Variants in DCC observed in about 807,000 individuals in gnomAD.
DCC encodes netrin receptor DCC.
Under a neutral mutation model 172.5 loss-of-function variants are expected in DCC, and 58 were observed. The observed-to-expected ratio is 0.34, with a 90% CI of 0.27 to 0.42. DCC has a LOEUF of 0.42. DCC is among the 10% of genes least tolerant of loss of function. DCC has a pLI of 1.00. For missense variants in DCC, 1,740 were observed against 1,791.0 expected (o/e 0.97, Z 0.51); for synonymous variants, 709 against 644.5 (o/e 1.10, Z -1.52).
chr18:52,610,487 G>A (rs1467033346), intron 1 of DCC, among the ~76,000 whole-genome samples: 1 of 148,754 alleles, frequency 6.7e-6, no homozygotes, highest in Non-Finnish European at 1.5e-5. Context: ...GGTGTATACT[G>A]GGTAAGACTG....
rs367566115 is a variant in DCC at position 53,100,105 on chromosome 18, C to G, written c.1261+33939C>G. ...GGGATTATAGGCAGGCACCACCACGCCTGGTTAATTTTTGTATTATTAGTA... is the reference window on the plus strand; with the variant it reads ...GGGATTATAGGCAGGCACCACCACGGCTGGTTAATTTTTGTATTATTAGTA... On this transcript the variant is annotated intron_variant, in intron 7 of 28. Coordinates refer to ENST00000442544, the MANE Select transcript of DCC (RefSeq NM_005215.4). Among the ~76,000 whole-genome samples, 41 of 151,876 alleles carry G rather than the reference C, an allele frequency of 2.7e-4. 1 individual carries two copies. The South Asian group carries it at 8.3e-3, about 31-fold the overall frequency.
At chr18:53,421,464 G>C (rs1910641322) in intron 21 of DCC, among the ~76,000 whole-genome samples, 1 of 152,188 alleles carries the variant, frequency 6.6e-6, no homozygotes, top group South Asian at 2.1e-4. Flanking sequence ...ACTAGACCTA[G>C]AGAAGAGGCC....
rs1241363759 is a variant in DCC at position 52,340,760 on chromosome 18, C to T, written c.-28C>T. On this transcript the variant is annotated 5_prime_UTR_variant, in exon 1 of 29. Transcript: ENST00000442544. ...TGTGAGTGCTGCCGCTGCCCGCGAC[C>T]CCTGGCCCCGAAGGTGTTGGCTGAA... 1.3e-6 allele frequency: 2 copies of T among 1,583,796 alleles called. No homozygotes were observed. The highest frequency in any genetic ancestry group is 1.3e-5 in the African/African-American group (1 of 74,406).
intron 12 of DCC, among the ~76,000 whole-genome samples, chr18:53,277,318 A>G (rs186799773): frequency 6.6e-6 from 1 of 152,104 alleles, no homozygotes; most frequent in African/African-American, 2.4e-5. Flanking sequence ...AAAAATACAA[A>G]AATTAGTCAG....
intron 3 of DCC, among the ~76,000 whole-genome samples, chr18:52,908,430 A>G (rs1482097162): frequency 6.6e-6 from 1 of 152,210 alleles, no homozygotes; most frequent in Non-Finnish European, 1.5e-5. Flanking sequence ...ACAAAGTTTT[A>G]AATATTTATA....
At chr18:52,766,949 T>C (rs1275526778) in intron 2 of DCC, among the ~76,000 whole-genome samples, 2 of 151,652 alleles carry the variant, frequency 1.3e-5, no homozygotes, top group Non-Finnish European at 2.9e-5. Flanking sequence ...AAAATCAGGG[T>C]AGTATTAAAG....
intron 2 of DCC, among the ~76,000 whole-genome samples, chr18:52,897,142 G>A (rs566493439): frequency 5.9e-5 from 9 of 152,310 alleles, no homozygotes; most frequent in South Asian, 2.1e-4. Context: ...CCAAATGGCC[G>A]TCTGTTTCTG....
intron 8 of DCC, among the ~76,000 whole-genome samples, chr18:53,160,936 C>T (rs879772359): frequency 6.6e-5 from 10 of 152,292 alleles, no homozygotes; most frequent in Non-Finnish European, 1.2e-4. Flanking sequence ...GAAACTTTCA[C>T]TTGTGCACAA....
intron 7 of DCC, among the ~76,000 whole-genome samples, chr18:53,128,866 CACACATAT>C (rs1157302123): frequency 1.0e-4 from 9 of 86,902 alleles, no homozygotes; most frequent in East Asian, 4.9e-4. Flanking sequence ...CACACACACA[CACACATAT>C]ATATATATAT....
chr18:52,427,596 A>C (rs1987472184), intron 1 of DCC, among the ~76,000 whole-genome samples: 1 of 152,030 alleles, frequency 6.6e-6, no homozygotes, highest in African/African-American at 2.4e-5. Flanking sequence ...ATCTGTTTTT[A>C]GGATGATTCC....
intron 2 of DCC, among the ~76,000 whole-genome samples, chr18:52,837,157 G>A (rs1459625869): frequency 7.2e-5 from 11 of 152,136 alleles, no homozygotes; most frequent in Non-Finnish European, 1.3e-4. Context: ...TCTGGGTTGG[G>A]CCCTTGAAAC....
At position 53,530,629 on chromosome 18, in the gene DCC, T is replaced by G; in HGVS notation, c.4320T>G (p.Asn1440Lys). 6.2e-7 allele frequency: 1 copy of G among 1,600,020 alleles called. No individual in the cohort carries two copies. The highest frequency in any genetic ancestry group is 8.6e-7 in the Non-Finnish European group (1 of 1,167,122). ...TGGAAGGACTCATGAAGCAGCTTAA[T>G]GCCATCACAGGCTCAGCCTTTTAAC... The part of the protein sequence containing the change: ...ASLEGLMKQL[N>K]AITGSAF The change falls in exon 29 of 29, where the codon AAT (asparagine) becomes AAG (lysine). Residue 1440 changes from asparagine to lysine, a missense_variant. Asn to Lys is a moderately conservative substitution (Grantham distance 94). Around this residue, in one of 2 missense-constraint regions of DCC, gnomAD observed 8 missense variants for 23.6 expected, o/e 0.34. Coordinates refer to ENST00000442544, the MANE Select transcript of DCC (RefSeq NM_005215.4).
chr18:52,416,063 G>T (rs1013538476), intron 1 of DCC, among the ~76,000 whole-genome samples: 72 of 151,964 alleles, frequency 4.7e-4, no homozygotes, highest in African/African-American at 1.7e-3. Flanking sequence ...AGAGATTCTG[G>T]TATGTTGTGT....
chr18:52,952,724 G>C (rs1204153317), intron 5 of DCC, among the ~76,000 whole-genome samples: 2 of 151,918 alleles, frequency 1.3e-5, no homozygotes, highest in Non-Finnish European at 2.9e-5. Context: ...AATAGGCTGG[G>C]CATGGTTGTT....
At chr18:52,682,341 C>T (rs567023015) in intron 1 of DCC, among the ~76,000 whole-genome samples, 35 of 152,098 alleles carry the variant, frequency 2.3e-4, no homozygotes, top group African/African-American at 8.2e-4. Flanking sequence ...AAATATCCTG[C>T]TGGGATAAAA....
At chr18:52,520,860 C>T (rs992164431) in intron 1 of DCC, among the ~76,000 whole-genome samples, 2 of 152,066 alleles carry the variant, frequency 1.3e-5, no homozygotes, top group African/African-American at 4.8e-5. Context: ...TTAGTGTTCT[C>T]ATGCATGAGT....
chr18:52,406,353 G>C (rs868745140), intron 1 of DCC, among the ~76,000 whole-genome samples: 7 of 150,826 alleles, frequency 4.6e-5, no homozygotes, highest in African/African-American at 1.5e-4. Context: ...GCTTCTGCAC[G>C]GCAAAAGAAA....
chr18:53,372,177 GTACT>G (rs1164248837), intron 15 of DCC, among the ~76,000 whole-genome samples: 1 of 151,970 alleles, frequency 6.6e-6, no homozygotes, highest in African/African-American at 2.4e-5. Flanking sequence ...GTTCATTGTT[GTACT>G]TACTATTCAA....
intron 1 of DCC, among the ~76,000 whole-genome samples, chr18:52,446,085 A>G (rs1373325329): frequency 1.3e-5 from 2 of 152,036 alleles, no homozygotes; most frequent in Non-Finnish European, 2.9e-5. Flanking sequence ...GGCGCCCGCC[A>G]CCGCACCCCG....
Sources: gnomAD v4.1 joint callset for allele counts (sites outside exome capture counted in the v4.1 genomes callset) on GRCh38, gnomAD v4.1.1 for gene constraint, gnomAD v4.1.1 regional missense constraint, MANE v1.5 for transcripts, NCBI Gene and HGNC (gene_info 2026-07-23, HGNC 2026-07-21) for gene names.